The following SKP1 variants were observed in gnomAD, a reference collection of about 807,000 sequenced individuals.
SKP1 encodes S-phase kinase associated protein 1.
In SKP1, 1 loss-of-function variant was observed where a neutral mutation model predicts 21.5. That is an observed-to-expected ratio of 0.05 (90% CI 0.02 to 0.22). SKP1 has a LOEUF of 0.22. Ranked by LOEUF, SKP1 falls within the 10% of genes least tolerant of loss-of-function variation. The probability of loss-of-function intolerance (pLI) is 1.00; values close to 1 mark genes in which losing one functional copy is unlikely to be tolerated. For synonymous variants in SKP1, 59 were observed against 59.3 expected (o/e 0.99, Z 0.03); for missense variants, 70 against 192.0 (o/e 0.36, Z 3.76).
intron 1 of SKP1, chr5:134,175,018 G>A (rs1265833753): frequency 6.6e-6 from 1 of 152,158 alleles, no homozygotes; most frequent in African/African-American, 2.4e-5. Flanking sequence ...ATCCGGTGAT[G>A]TCACTATTAA....
chr5:134,155,393 C>G lies in SKP1; in HGVS notation c.*2340G>C, dbSNP rs1276951772. On this transcript the variant is annotated 3_prime_UTR_variant, in exon 6 of 6. Coordinates refer to ENST00000353411, the MANE Select transcript of SKP1 (RefSeq NM_170679.3). ...GTAGGAAAATAATACTGCAACCAGA[C>G]TGAAAAGGGCTTCTTAATACCATGT... is the stretch of plus-strand genomic sequence containing the variant. 1.3e-5 allele frequency: 2 copies of G among 152,182 alleles called. No homozygotes were observed. The highest frequency in any genetic ancestry group is 2.9e-5 in the Non-Finnish European group (2 of 68,030). The allele number at this position is 152,182 out of a possible 1,614,324, so 9.4% of individuals were successfully genotyped here.
Position 134,161,490 on chromosome 5 carries a change from T to A in SKP1, c.172-360A>T, listed in dbSNP as rs186305770. ...AAATCATTAAAGAGAAATGGGTTAA[T>A]ATGTACAGCCAATAAATGAAATCTG... On this transcript the variant is annotated intron_variant, in intron 3 of 5. Coordinates refer to ENST00000353411, the MANE Select transcript of SKP1 (RefSeq NM_170679.3). 8.8e-3 allele frequency: 1,422 copies of A among 162,046 alleles called. 23 individuals carry two copies. Among genetic ancestry groups the A allele is most frequent in the African/African-American group, 0.028 (1,167 of 41,946 alleles). The allele number at this position is 162,046 out of a possible 1,614,324, so 10.0% of individuals were successfully genotyped here.
chr5:134,174,519 G>A, intron 1 of SKP1: 2 of 962,314 alleles, frequency 2.1e-6, no homozygotes, highest in Non-Finnish European at 1.2e-6. Context: ...TTATGTCTGA[G>A]GCAATGCAAG....
intron 3 of SKP1, among the ~76,000 whole-genome samples, chr5:134,166,223 A>C (rs571017349): frequency 6.6e-6 from 1 of 150,962 alleles, no homozygotes; most frequent in Non-Finnish European, 1.5e-5. Flanking sequence ...TAACATAGAC[A>C]TATCACCTTT....
chr5:134,174,084 A>G (rs1294622216), intron 1 of SKP1, 62 bp from the exon 2 acceptor site: 1 of 1,008,012 alleles, frequency 9.9e-7, no homozygotes, highest in African/African-American at 1.6e-5. Flanking sequence ...ACATTTCATC[A>G]ACTACAGTCC....
At chr5:134,158,322 A>G in intron 5 of SKP1, 133 bp downstream of exon 5, 1 of 1,562,524 alleles carries the variant, frequency 6.4e-7, no homozygotes, top group Non-Finnish European at 8.6e-7. Context: ...GAGTATGTTT[A>G]AGACACATTA....
In SKP1 at chr5:134,150,259, A is replaced by G. The variant is rs1394568800; in HGVS notation, c.*7474T>C. The G allele has an allele frequency of 1.3e-5, 2 of 152,198 alleles. No individual in the cohort carries two copies. Among genetic ancestry groups the G allele is most frequent in the African/African-American group, 4.8e-5 (2 of 41,428 alleles). The allele number at this position is 152,198 out of a possible 1,614,324, so 9.4% of individuals were successfully genotyped here. On this transcript the variant is annotated 3_prime_UTR_variant, in exon 6 of 6. Coordinates refer to ENST00000353411, the MANE Select transcript of SKP1 (RefSeq NM_170679.3). ...CTTCTGACATGTAATTATCTTTTGA[A>G]TGGCTCCTGTGGTCTCCCATTCCTT...
chr5:134,158,714 G>GAA, intron 4 of SKP1, 119 bp from the exon 5 acceptor site: 1 of 869,466 alleles, frequency 1.2e-6, no homozygotes, highest in Non-Finnish European at 1.8e-6. Context: ...GAAATTAAAG[G>GAA]GAGAAGAATA....
chr5:134,172,571 TAAAAA>T (rs11458283), intron 2 of SKP1, among the ~76,000 whole-genome samples: 1 of 142,488 alleles, frequency 7.0e-6, no homozygotes, highest in Admixed American at 7.0e-5. Context: ...AAAGCTTGTT[TAAAAA>T]AAAAAAAAAA....
chr5:134,174,515 C>T (rs997144049), intron 1 of SKP1: 17 of 973,788 alleles, frequency 1.7e-5, no homozygotes, highest in Non-Finnish European at 2.1e-5. Context: ...TCATTTATGT[C>T]TGAGGCAATG....
chr5:134,157,978 G>T, intron 5 of SKP1: 1 of 1,514,984 alleles, frequency 6.6e-7, no homozygotes, highest in Non-Finnish European at 8.8e-7. Flanking sequence ...TATGAACAAA[G>T]CAAAGGCAAT....
rs1351190916 is a variant in SKP1, at chr5:134,152,444, T to C, written c.*5289A>G. On this transcript the variant is annotated 3_prime_UTR_variant, in exon 6 of 6. Transcript: ENST00000353411. ...CTGTCCACCCCCAAACAAATCCAAC[T>C]TGATTCTTGAAACCAAATTAGTTTC... 2.0e-5 allele frequency: 3 copies of C among 152,302 alleles called. No individual in the cohort carries two copies. Among genetic ancestry groups the C allele is most frequent in the Non-Finnish European group, 2.9e-5 (2 of 68,110 alleles). The allele number at this position is 152,302 out of a possible 1,614,324, so 9.4% of individuals were successfully genotyped here. A position where few individuals can be genotyped will look rare whatever the true frequency, so the allele number is the denominator to read the frequency against.
In SKP1 at chr5:134,156,803, C is replaced by T. The variant is rs1169294399; in HGVS notation, c.*930G>A. 1 of 152,608 alleles carries T rather than the reference C, an allele frequency of 6.6e-6. No homozygotes were observed. Among genetic ancestry groups the T allele is most frequent in the Non-Finnish European group, 1.5e-5 (1 of 68,026 alleles). 9.5% of individuals were successfully genotyped at this position (152,608 alleles called of 1,614,324 possible). A position where few individuals can be genotyped will look rare whatever the true frequency, so the allele number is the denominator to read the frequency against. On this transcript the variant is annotated 3_prime_UTR_variant, in exon 6 of 6. Transcript: ENST00000353411. ...ATAAACTAAGTCTTTTCAAGCTGAACAAATATATACACATTCAACCCATTT... is the reference window on the plus strand; with the variant it reads ...ATAAACTAAGTCTTTTCAAGCTGAATAAATATATACACATTCAACCCATTT...
chr5:134,160,352 T>TA (rs1317016697), intron 4 of SKP1, among the ~76,000 whole-genome samples: 2 of 151,854 alleles, frequency 1.3e-5, no homozygotes, highest in Non-Finnish European at 2.9e-5. Context: ...AGTGAAACTC[T>TA]GTCTCAAAAA....
intron 2 of SKP1, among the ~76,000 whole-genome samples, chr5:134,172,096 T>C (rs1580622744): frequency 6.6e-6 from 1 of 152,224 alleles, no homozygotes; most frequent in African/African-American, 2.4e-5. Context: ...CATACTGCAA[T>C]CTCTTCAAGA....
At chr5:134,172,295 T>C (rs1001910872) in intron 2 of SKP1, among the ~76,000 whole-genome samples, 3 of 152,146 alleles carry the variant, frequency 2.0e-5, no homozygotes, top group African/African-American at 7.2e-5. Context: ...GCTTGGCACA[T>C]AACCCTTCTC....
At chr5:134,160,858 T>C (rs1204655634) in intron 4 of SKP1, 129 bp downstream of exon 4, 8 of 651,194 alleles carry the variant, frequency 1.2e-5, no homozygotes, top group Non-Finnish European at 2.1e-5. Context: ...GATATGTGGA[T>C]TTAAATATGG....
intron 2 of SKP1, chr5:134,173,479 ACT>A (rs1279289925): frequency 1.2e-5 from 4 of 327,848 alleles, no homozygotes; most frequent in Non-Finnish European, 2.4e-5. Flanking sequence ...CAAGAGTGAG[ACT>A]CTGTCTCAAA....
rs1397617748 is a variant in SKP1, at chr5:134,156,207, A to G, written c.*1526T>C. 6.6e-6 allele frequency: 1 copy of G among 151,890 alleles called. No homozygotes were observed. The highest frequency in any genetic ancestry group is 1.5e-5 in the Non-Finnish European group (1 of 68,000). The allele number at this position is 151,890 out of a possible 1,614,324, so 9.4% of individuals were successfully genotyped here. On this transcript the variant is annotated 3_prime_UTR_variant, in exon 6 of 6. Transcript: ENST00000353411. ...CTATACACCGCTACCTTCCCCACTA[A>G]AACCAGGACAAACAGAAAACAAGCT...
Sources: allele counts gnomAD v4.1 joint callset (sites outside exome capture counted in the v4.1 genomes callset), GRCh38; gene constraint gnomAD v4.1.1; transcripts MANE v1.5; gene names NCBI Gene and HGNC (gene_info 2026-07-23, HGNC 2026-07-21).